Variants in TTF2 observed in about 807,000 individuals in gnomAD.
TTF2 encodes RNA polymerase II termination factor.
Under a neutral mutation model 142.4 loss-of-function variants are expected in TTF2, and 108 were observed. The observed-to-expected ratio is 0.76, with a 90% CI of 0.65 to 0.89. TTF2 has a LOEUF of 0.89. Among genes scored for constraint, TTF2 ranks in the 40% least tolerant of loss-of-function variants. The probability of loss-of-function intolerance (pLI) is 0.00; values close to 1 mark genes in which losing one functional copy is unlikely to be tolerated. For synonymous variants in TTF2, 483 were observed against 506.2 expected (o/e 0.95, Z 0.61); for missense variants, 1,327 against 1,379.8 (o/e 0.96, Z 0.61).
chr1:117,064,830 TTTC>T (rs1224678468), intron 3 of TTF2, among the ~76,000 whole-genome samples: 16 of 149,708 alleles, frequency 1.1e-4, no homozygotes, highest in Admixed American at 9.2e-4. Context: ...GTTTTTTTTT[TTTC>T]TTCTTCTTTT....
In TTF2 at chr1:117,060,509, GCTT is replaced by G. The variant is rs1467220084; in HGVS notation, c.86_88del (p.Phe29del). Reference sequence around the variant, plus strand: ...CGCGATGGCCCGAATAAAGGAAAGAGCTTCTACGTGTGCCGGGCAGACACGTGC... The same window carrying G: ...CGCGATGGCCCGAATAAAGGAAAGAGCTACGTGTGCCGGGCAGACACGTGC... On this transcript the variant is annotated inframe_deletion, in exon 2 of 23. Transcript: ENST00000369466. 5 of 1,614,096 alleles carry G rather than the reference GCTT, an allele frequency of 3.1e-6. No homozygotes were observed. The highest frequency in any genetic ancestry group is 4.2e-6 in the Non-Finnish European group (5 of 1,179,938).
chr1:117,097,560 A>G lies in TTF2; in HGVS notation c.3269+127A>G. Reference sequence around the variant, plus strand: ...GTATTGCAGAGATGCCTTGCTTTGTATGTGTCTATAGATACAGATCTAAGC... The same window carrying G: ...GTATTGCAGAGATGCCTTGCTTTGTGTGTGTCTATAGATACAGATCTAAGC... On this transcript the variant is annotated intron_variant, in intron 21 of 22. Coordinates refer to ENST00000369466, the MANE Select transcript of TTF2 (RefSeq NM_003594.4). This position sits in a 1 kb window ranked among gnomAD's most constrained non-coding sequence, Gnocchi z 4.1. 2 of 867,298 alleles carry G rather than the reference A, an allele frequency of 2.3e-6. No homozygotes were observed. The highest frequency in any genetic ancestry group is 3.9e-6 in the Non-Finnish European group (2 of 516,456). The allele number at this position is 867,298 out of a possible 1,614,324, so 53.7% of individuals were successfully genotyped here.
Position 117,084,138 on chromosome 1 carries a change from A to G in TTF2, c.2024A>G (p.His675Arg), listed in dbSNP as rs144713709. 1,543 of 1,614,206 alleles carry G rather than the reference A, an allele frequency of 9.6e-4. 3 individuals are homozygous for G. The highest frequency in any genetic ancestry group is 1.2e-3 in the Non-Finnish European group (1,374 of 1,180,040). The change falls in exon 11 of 23, where the codon CAT (histidine) becomes CGT (arginine). Residue 675 changes from histidine to arginine, a missense_variant. Transcript: ENST00000369466. ...AACAAACTAAGAGTCTATCTCTACC[A>G]TGGGCCAAACCGGGATTCACGTGCC... ...NSNKLRVYLY[H>R]GPNRDSRARV...
rs531695841 is a variant in TTF2 at position 117,079,443 on chromosome 1, A to G, written c.1702-125A>G. The G allele has an allele frequency of 4.7e-6, 4 of 859,760 alleles. No individual in the cohort carries two copies. Among genetic ancestry groups the G allele is most frequent in the Non-Finnish European group, 7.5e-6 (4 of 535,276 alleles). The allele number at this position is 859,760 out of a possible 1,614,324, so 53.3% of individuals were successfully genotyped here. A position where few individuals can be genotyped will look rare whatever the true frequency, so the allele number is the denominator to read the frequency against. ...TGTTAAGGACTTCAAGGTGAAATGAACTGTCTACAGAATACTGAGGGAATC... is the reference window on the plus strand; with the variant it reads ...TGTTAAGGACTTCAAGGTGAAATGAGCTGTCTACAGAATACTGAGGGAATC... On this transcript the variant is annotated intron_variant, in intron 8 of 22. Transcript: ENST00000369466. This position sits in a 1 kb window ranked among gnomAD's most constrained non-coding sequence, Gnocchi z 4.2.
In TTF2 at chr1:117,092,858, T is replaced by C. The variant is rs550488052; in HGVS notation, c.2933T>C (p.Phe978Ser). The change falls in exon 18 of 23, where the codon TTC becomes TCC. Residue 978 changes from phenylalanine to serine, a missense_variant. Coordinates refer to ENST00000369466, the MANE Select transcript of TTF2 (RefSeq NM_003594.4). This position sits in a 1 kb window ranked among gnomAD's most constrained non-coding sequence, Gnocchi z 4.4. ...PSSTVSLNGT[F>S]FKMELFEGMR... ...TCCACTGTTTCCCTTAACGGCACCT[T>C]CTTCAAGATGGAGCTTTTTGAAGGC... 3.7e-6 allele frequency: 6 copies of C among 1,614,200 alleles called. No individual in the cohort carries two copies. In the East Asian group the frequency reaches 8.9e-5, roughly 24 times the overall value.
chr1:117,062,551 T>C, intron 3 of TTF2, 78 bp downstream of exon 3: 3 of 1,373,250 alleles, frequency 2.2e-6, no homozygotes, highest in Non-Finnish European at 3.0e-6. Flanking sequence ...GCCAGGTATG[T>C]ATTAGGATTG....
rs1656923024 is a variant in TTF2 at position 117,075,515 on chromosome 1, G to T, written c.931G>T (p.Gly311Trp). The T allele has an allele frequency of 3.1e-6, 5 of 1,614,158 alleles. No homozygotes were observed. The highest frequency in any genetic ancestry group is 4.2e-6 in the Non-Finnish European group (5 of 1,180,016). ...IQATQKSLPQGHFQERPETHS... is the reference protein window; with the variant it reads ...IQATQKSLPQWHFQERPETHS... ...GGCCACCCAGAAAAGCCTGCCTCAG[G>T]GGCATTTCCAAGAGCGGCCGGAGAC... The change falls in exon 5 of 23, where the codon GGG becomes TGG. Residue 311 changes from glycine (G) to tryptophan (W), a missense_variant. By Grantham distance (184) the Gly-to-Trp change is radical. Transcript: ENST00000369466. The surrounding 1 kb of genome is among the most constrained non-coding windows in gnomAD (Gnocchi z 4.5).
Position 117,075,808 on chromosome 1 carries a change from A to C in TTF2, c.1224A>C (p.Ser408=), listed in dbSNP as rs761616585. The C allele has an allele frequency of 1.2e-6, 2 of 1,613,994 alleles. No homozygotes were observed. The highest frequency in any genetic ancestry group is 3.3e-5 in the Admixed American group (2 of 60,000). The change falls in exon 5 of 23, where the codon TCA becomes TCC. Residue 408 remains serine (S), a synonymous_variant. Coordinates refer to ENST00000369466, the MANE Select transcript of TTF2 (RefSeq NM_003594.4). The surrounding 1 kb of genome is among the most constrained non-coding windows in gnomAD (Gnocchi z 4.5). ...GTGTTTCCAAGAAGGTAGAACCCTC[A>C]GACCCAGTAGCCCGGCGTGTCTACC... ...ASGVSKKVEP[S]DPVARRVYLT...
rs1650005375 is a variant in TTF2 at position 117,107,171 on chromosome 1, G to A, written c.*5647G>A. 1.3e-5 allele frequency: 2 copies of A among 152,078 alleles called. No individual in the cohort carries two copies. The highest frequency in any genetic ancestry group is 4.8e-5 in the African/African-American group (2 of 41,386). The allele number at this position is 152,078 out of a possible 1,614,324, so 9.4% of individuals were successfully genotyped here. On this transcript the variant is annotated 3_prime_UTR_variant, in exon 23 of 23. Transcript: ENST00000369466. ...GGAGTCTTGGGCTCTGTTGATCACT[G>A]ACTCTGCCAGGTCTTTCAGCAGGCA...
At position 117,090,648 on chromosome 1, in the gene TTF2, C is replaced by G. The variant is rs769123448; in HGVS notation, c.2588+25C>G. On this transcript the variant is annotated intron_variant, in intron 15 of 22. Coordinates refer to ENST00000369466, the MANE Select transcript of TTF2 (RefSeq NM_003594.4). The surrounding 1 kb of genome is among the most constrained non-coding windows in gnomAD (Gnocchi z 4.8). ...GGTGTGTGTATTAAAGAAGCACCTT[C>G]TCACACACATTGTTTTATTCCTGTC... 1.3e-6 allele frequency: 2 copies of G among 1,564,598 alleles called. No individual in the cohort carries two copies. The highest frequency in any genetic ancestry group is 1.8e-6 in the Non-Finnish European group (2 of 1,138,942).
chr1:117,079,213 C>T lies in TTF2; in HGVS notation c.1702-355C>T, dbSNP rs1647269322. ...TGAGATCACGCCACTGCACTCTAGCCTGGGCAACAGAGCGAGGCTGTCTCA... is the reference window on the plus strand; with the variant it reads ...TGAGATCACGCCACTGCACTCTAGCTTGGGCAACAGAGCGAGGCTGTCTCA... On this transcript the variant is annotated intron_variant, in intron 8 of 22. Coordinates refer to ENST00000369466, the MANE Select transcript of TTF2 (RefSeq NM_003594.4). The surrounding 1 kb of genome is among the most constrained non-coding windows in gnomAD (Gnocchi z 4.2). Among the ~76,000 whole-genome samples, 1 of 152,040 alleles carries T rather than the reference C, an allele frequency of 6.6e-6. No individual in the cohort carries two copies. The highest frequency in any genetic ancestry group is 2.4e-5 in the African/African-American group (1 of 41,384).
In TTF2 at chr1:117,086,258, T is replaced by TGTGTGTGTGTGTGC. The variant is rs1385280029; in HGVS notation, c.2055-148_2055-135dup. Among the ~76,000 whole-genome samples, 2 of 151,778 alleles carry TGTGTGTGTGTGTGC rather than the reference T, an allele frequency of 1.3e-5. No homozygotes were observed. Among genetic ancestry groups the TGTGTGTGTGTGTGC allele is most frequent in the Non-Finnish European group, 2.9e-5 (2 of 67,934 alleles). ...AATTTACCTCCAAAATGTGTGTGTG[T>TGTGTGTGTGTGTGC]GTGTGTGTGTGTGCGTGTGTGTGTT... On this transcript the variant is annotated intron_variant, in intron 11 of 22. Transcript: ENST00000369466. This position sits in a 1 kb window ranked among gnomAD's most constrained non-coding sequence, Gnocchi z 4.2.
Position 117,080,388 on chromosome 1 carries a change from C to T in TTF2, c.1783+739C>T, listed in dbSNP as rs1647391627. 6.6e-6 allele frequency among the ~76,000 whole-genome samples: 1 copy of T among 152,090 alleles called. No homozygotes were observed. The highest frequency in any genetic ancestry group is 1.5e-5 in the Non-Finnish European group (1 of 68,024). On this transcript the variant is annotated intron_variant, in intron 9 of 22. Transcript: ENST00000369466. This position sits in a 1 kb window ranked among gnomAD's most constrained non-coding sequence, Gnocchi z 4.3. ...GAGGCAACCAGTGCCACCCCAAAGTCAGTTGTTTCTATAGCCACTGTTTCC... is the reference window on the plus strand; with the variant it reads ...GAGGCAACCAGTGCCACCCCAAAGTTAGTTGTTTCTATAGCCACTGTTTCC...
intron 2 of TTF2, among the ~76,000 whole-genome samples, 200 bp downstream of exon 2, chr1:117,060,757 C>T (rs1418245599): frequency 6.6e-6 from 1 of 152,206 alleles, no homozygotes; most frequent in East Asian, 1.9e-4. Flanking sequence ...GCTGTGTGAC[C>T]CGAGGCTGGT....
chr1:117,082,067 C>G (rs1647565172), intron 10 of TTF2, 120 bp downstream of exon 10: 1 of 1,420,262 alleles, frequency 7.0e-7, no homozygotes, highest in Non-Finnish European at 9.8e-7. Context: ...ACTGGAAAAC[C>G]AGTATTAGAT....
chr1:117,061,868 C>G (rs1227154132), intron 2 of TTF2, among the ~76,000 whole-genome samples: 1 of 152,188 alleles, frequency 6.6e-6, no homozygotes, highest in Non-Finnish European at 1.5e-5. Flanking sequence ...TACTTTAAAC[C>G]TTCACTCAAA....
In TTF2 at chr1:117,076,717, G is replaced by C. The variant is rs752862430; in HGVS notation, c.1467G>C (p.Leu489=). ...FTKTTTGPPH[L]VPPQPLPRRG... ...AAACTACCACTGGCCCTCCCCACCT[G>C]GTGCCTCCCCAACCCCTTCCTCGTC... Residue 489 remains leucine, a synonymous_variant, in exon 7 of 23, where the codon CTG becomes CTC. Coordinates refer to ENST00000369466, the MANE Select transcript of TTF2 (RefSeq NM_003594.4). The surrounding 1 kb of genome is among the most constrained non-coding windows in gnomAD (Gnocchi z 4.6). The C allele has an allele frequency of 5.0e-6, 8 of 1,614,054 alleles. No individual in the cohort carries two copies. Among genetic ancestry groups the C allele is most frequent in the Non-Finnish European group, 6.8e-6 (8 of 1,179,984 alleles).
Position 117,085,435 on chromosome 1 carries a change from G to T in TTF2, c.2055-982G>T, listed in dbSNP as rs2764855. 6.6e-6 allele frequency among the ~76,000 whole-genome samples: 1 copy of T among 151,922 alleles called. No homozygotes were observed. The highest frequency in any genetic ancestry group is 6.5e-5 in the Admixed American group (1 of 15,270). On this transcript the variant is annotated intron_variant, in intron 11 of 22. Coordinates refer to ENST00000369466, the MANE Select transcript of TTF2 (RefSeq NM_003594.4). The surrounding 1 kb of genome is among the most constrained non-coding windows in gnomAD (Gnocchi z 4.7). The stretch of plus-strand genomic sequence containing the variant: ...GGGTGTGGTGGTGTGCACTTGTAGT[G>T]CCATTTACTTGGGAGGCTGAGGTGG...
chr1:117,062,570 A>C lies in TTF2; in HGVS notation c.218+97A>C, dbSNP rs1655775728. On this transcript the variant is annotated intron_variant, in intron 3 of 22. Transcript: ENST00000369466. ...GGTATGTATTAGGATTGTTCTTTAA[A>C]AGTCATTTTAAAAAACAAAATTTGT... 5 of 1,250,222 alleles carry C rather than the reference A, an allele frequency of 4.0e-6. No individual in the cohort carries two copies. The Admixed American group carries it at 1.6e-4, about 39-fold the overall frequency. The allele number at this position is 1,250,222 out of a possible 1,614,324, so 77.4% of individuals were successfully genotyped here. A position where few individuals can be genotyped will look rare whatever the true frequency, so the allele number is the denominator to read the frequency against.
Sources: gnomAD v4.1 joint callset for allele counts (sites outside exome capture counted in the v4.1 genomes callset) on GRCh38, gnomAD v4.1.1 for gene constraint, Gnocchi (gnomAD v3.1) non-coding constraint, MANE v1.5 for transcripts, NCBI Gene and HGNC (gene_info 2026-07-23, HGNC 2026-07-21) for gene names.